FAF1: variants seen among roughly 807,000 people sequenced by gnomAD.
FAF1 encodes the protein FAS-associated factor 1.
FAF1 carries 25 observed loss-of-function variants against 92.5 expected under a neutral mutation model. The ratio of observed to expected loss-of-function variants is 0.27; its 90% CI spans 0.20 to 0.38. The LOEUF is 0.38. FAF1 is among the 10% of genes least tolerant of loss of function. FAF1 has a pLI of 1.00. For missense variants in FAF1, 636 were observed against 793.3 expected (o/e 0.80, Z 2.38); for synonymous variants, 234 against 273.2 (o/e 0.86, Z 1.42).
intron 7 of FAF1, among the ~76,000 whole-genome samples, chr1:50,692,271 G>C (rs1656968868): frequency 6.6e-6 from 1 of 151,510 alleles, no homozygotes; most frequent in Non-Finnish European, 1.5e-5. Flanking sequence ...GTGTGTGTGT[G>C]TGTGTGTGTG....
chr1:50,811,402 A>G (rs1643910381), intron 2 of FAF1, among the ~76,000 whole-genome samples: 1 of 152,112 alleles, frequency 6.6e-6, no homozygotes, highest in Non-Finnish European at 1.5e-5. Context: ...TAGCATTTCT[A>G]TATACCTACA....
At chr1:50,615,619 G>A (rs1321845831) in intron 8 of FAF1, among the ~76,000 whole-genome samples, 2 of 152,078 alleles carry the variant, frequency 1.3e-5, no homozygotes, top group Admixed American at 6.6e-5. Flanking sequence ...TTCCTCTGAT[G>A]ATTAGCATTT....
chr1:50,675,444 T>C (rs1569736981), intron 7 of FAF1, among the ~76,000 whole-genome samples: 1 of 152,224 alleles, frequency 6.6e-6, no homozygotes, highest in African/African-American at 2.4e-5. Context: ...TTAGGGACGA[T>C]GGCAAATTAG....
At chr1:50,819,352 C>T (rs747543273) in intron 2 of FAF1, among the ~76,000 whole-genome samples, 12 of 151,508 alleles carry the variant, frequency 7.9e-5, no homozygotes, top group South Asian at 2.1e-4. Context: ...CAGTAGCGCA[C>T]GCCTGTAATC....
intron 1 of FAF1, among the ~76,000 whole-genome samples, chr1:50,891,895 G>T (rs1644723168): frequency 6.6e-6 from 1 of 152,144 alleles, no homozygotes; most frequent in Non-Finnish European, 1.5e-5. Context: ...TGTCAGACAG[G>T]GACATTTAAG....
At chr1:50,882,645 TAA>T (rs1379344946) in intron 1 of FAF1, among the ~76,000 whole-genome samples, 145 of 150,782 alleles carry the variant, frequency 9.6e-4, no homozygotes, top group African/African-American at 3.3e-3. Flanking sequence ...AATAAATAAA[TAA>T]ATGTGTATGT....
intron 18 of FAF1, among the ~76,000 whole-genome samples, chr1:50,442,303 T>C (rs373165684): frequency 1.3e-5 from 2 of 152,114 alleles, no homozygotes; most frequent in African/African-American, 4.8e-5. Context: ...TGTTTAAAAG[T>C]TGAGTAATAC....
intron 9 of FAF1, among the ~76,000 whole-genome samples, chr1:50,587,916 C>T (rs905053241): frequency 6.6e-6 from 1 of 152,194 alleles, no homozygotes; most frequent in Admixed American, 6.5e-5. Flanking sequence ...GGCATTAAAG[C>T]AAGCTTATAA....
intron 9 of FAF1, among the ~76,000 whole-genome samples, chr1:50,591,101 T>C (rs1651481373): frequency 6.6e-6 from 1 of 152,238 alleles, no homozygotes; most frequent in African/African-American, 2.4e-5. Flanking sequence ...CAGATATGTC[T>C]TTCATTATGT....
intron 8 of FAF1, among the ~76,000 whole-genome samples, chr1:50,631,990 T>A (rs1024771555): frequency 1.3e-5 from 2 of 152,230 alleles, no homozygotes; most frequent in Non-Finnish European, 2.9e-5. Context: ...TTACTACAGA[T>A]GTACATGTAT....
At chr1:50,616,189 T>G (rs1035904290) in intron 8 of FAF1, among the ~76,000 whole-genome samples, 29 of 152,168 alleles carry the variant, frequency 1.9e-4, no homozygotes, top group African/African-American at 6.5e-4. Flanking sequence ...TTTCTGAGTC[T>G]TCTATTCTGT....
intron 13 of FAF1, among the ~76,000 whole-genome samples, chr1:50,556,063 C>T (rs1165715045): frequency 4.0e-5 from 6 of 151,152 alleles, no homozygotes; most frequent in African/African-American, 1.5e-4. Flanking sequence ...AATGAAACCC[C>T]GTCTCCACTA....
At chr1:50,667,506 T>A (rs1297356605) in intron 7 of FAF1, among the ~76,000 whole-genome samples, 1 of 152,210 alleles carries the variant, frequency 6.6e-6, no homozygotes, top group African/African-American at 2.4e-5. Flanking sequence ...GTCTTATTTG[T>A]AACCTTTGTA....
intron 2 of FAF1, among the ~76,000 whole-genome samples, chr1:50,841,412 C>T (rs968225293): frequency 3.3e-5 from 5 of 151,942 alleles, no homozygotes; most frequent in African/African-American, 1.2e-4. Flanking sequence ...TACCAAAGTG[C>T]CAAAAGTTGT....
At chr1:50,451,248 A>G (rs1476793349) in intron 18 of FAF1, among the ~76,000 whole-genome samples, 1 of 152,222 alleles carries the variant, frequency 6.6e-6, no homozygotes, top group African/African-American at 2.4e-5. Flanking sequence ...AAAGTAAGAG[A>G]GGAATAGAAA....
intron 1 of FAF1, among the ~76,000 whole-genome samples, chr1:50,939,010 A>G (rs937794354): frequency 3.3e-5 from 5 of 152,006 alleles, no homozygotes; most frequent in Admixed American, 3.3e-4. Flanking sequence ...AATGCCTCCC[A>G]CTTTGTTCTT....
intron 3 of FAF1, among the ~76,000 whole-genome samples, chr1:50,788,426 A>G (rs1456362463): frequency 6.6e-6 from 1 of 152,172 alleles, no homozygotes; most frequent in Non-Finnish European, 1.5e-5. Context: ...TATGTTTATT[A>G]GCAGTATCAT....
intron 13 of FAF1, among the ~76,000 whole-genome samples, chr1:50,544,347 G>A (rs958759587): frequency 2.0e-5 from 3 of 152,066 alleles, no homozygotes; most frequent in Non-Finnish European, 4.4e-5. Context: ...TATTTAAAAG[G>A]CAAGTTCCTC....
chr1:50,559,739 C>T (rs1014892263), intron 13 of FAF1, among the ~76,000 whole-genome samples: 3 of 152,114 alleles, frequency 2.0e-5, no homozygotes, highest in Admixed American at 2.0e-4. Context: ...AGGAGGGGTT[C>T]CTCCTCACCT....
Sources: allele counts gnomAD v4.1 joint callset (sites outside exome capture counted in the v4.1 genomes callset), GRCh38; gene constraint gnomAD v4.1.1; transcripts MANE v1.5; gene names NCBI Gene and HGNC (gene_info 2026-07-23, HGNC 2026-07-21).